Variants in PSG9 observed in about 807,000 individuals in gnomAD.
PSG9 encodes pregnancy specific beta-1-glycoprotein 9, also known as pregnancy-specific beta-1-glycoprotein 9.
A neutral mutation model predicts 41.9 loss-of-function variants in PSG9; 49 were observed. The ratio of observed to expected loss-of-function variants is 1.17; its 90% CI spans 0.93 to 1.48. The LOEUF is 1.48. Ranked by LOEUF, PSG9 falls within the 40% of genes most tolerant of loss-of-function variation. The probability of loss-of-function intolerance (pLI) is 0.00; values close to 1 mark genes in which losing one functional copy is unlikely to be tolerated. For missense variants in PSG9, 641 were observed against 520.3 expected (o/e 1.23, Z -2.26); for synonymous variants, 263 against 196.8 (o/e 1.34, Z -2.82).
intron 1 of PSG9, 130 bp from the exon 2 acceptor site, chr19:43,268,279 AAC>A (rs1969079140): frequency 2.2e-6 from 3 of 1,348,586 alleles, no homozygotes; most frequent in South Asian, 2.9e-5. Context: ...CATACAAACA[AAC>A]ACACACAAAA....
chr19:43,257,256 A>T, intron 5 of PSG9: 2 of 637,716 alleles, frequency 3.1e-6, no homozygotes, highest in Non-Finnish European at 1.9e-6. Context: ...AAGAGGAAAA[A>T]GTTCTGGAAA....
chr19:43,263,094 C>G (rs755320338), intron 2 of PSG9, among the ~76,000 whole-genome samples: 4 of 152,164 alleles, frequency 2.6e-5, no homozygotes, highest in Non-Finnish European at 4.4e-5. Context: ...ATTGGACATT[C>G]TACTGTCTGA....
intron 2 of PSG9, among the ~76,000 whole-genome samples, chr19:43,266,252 G>A (rs1284922649): frequency 1.3e-5 from 2 of 152,034 alleles, no homozygotes; most frequent in Non-Finnish European, 2.9e-5. Context: ...TACATGAGGT[G>A]GGGTGGCTTT....
Position 43,258,888 on chromosome 19 carries a change from G to C in PSG9, c.957C>G (p.Leu319=), listed in dbSNP as rs369227525. 5.7e-6 allele frequency: 9 copies of C among 1,587,038 alleles called. 1 individual carries two copies. The highest frequency in any genetic ancestry group is 5.3e-5 in the East Asian group (2 of 37,460). The change falls in exon 4 of 6, where the codon CTC becomes CTG. Residue 319 remains leucine (L), a synonymous_variant. Coordinates refer to ENST00000270077, the MANE Select transcript of PSG9 (RefSeq NM_002784.5). ...QCEIRDRYGG[L]RSNPVILNVL... is the part of the protein sequence containing the mutation. ...CATTTAGGATGACTGGGTTACTGCGGAGGCCACCATATCGGTCCCGTATTT... is the reference window on the plus strand; with the variant it reads ...CATTTAGGATGACTGGGTTACTGCGCAGGCCACCATATCGGTCCCGTATTT...
In PSG9 at chr19:43,262,103, A is replaced by T; in HGVS notation, c.466T>A (p.Leu156Ile). 6.2e-7 allele frequency: 1 copy of T among 1,613,922 alleles called. No homozygotes were observed. Among genetic ancestry groups the T allele is most frequent in the Non-Finnish European group, 8.5e-7 (1 of 1,179,854 alleles). ...GCCTCCATGGCCTCCCTGGGGTTTA[A>T]GTTGCTGCTGGAGATGTAGGGCTTG... ...TPKPYISSSN[L>I]NPREAMEAVR... is the part of the protein sequence containing the mutation. Residue 156 changes from leucine (L) to isoleucine (I), a missense_variant, in exon 3 of 6, where the codon TTA becomes ATA. Physicochemically the swap from Leu to Ile is conservative, Grantham distance 5 (BLOSUM62 2). Coordinates refer to ENST00000270077, the MANE Select transcript of PSG9 (RefSeq NM_002784.5).
At chr19:43,269,114 C>T (rs1346967822) in intron 1 of PSG9, among the ~76,000 whole-genome samples, 1 of 152,018 alleles carries the variant, frequency 6.6e-6, no homozygotes, top group Admixed American at 6.5e-5. Flanking sequence ...ACATGATTCT[C>T]CCACCTCAGC....
chr19:43,268,944 T>G (rs1284324199), intron 1 of PSG9, among the ~76,000 whole-genome samples: 2 of 152,162 alleles, frequency 1.3e-5, no homozygotes, highest in African/African-American at 4.8e-5. Context: ...TTTCCTCTTT[T>G]GACCCCTGTC....
Position 43,267,874 on chromosome 19 carries a change from G to C in PSG9, c.340C>G (p.Arg114Gly). Residue 114 changes from arginine (R) to glycine (G), a missense_variant, in exon 2 of 6, where the codon CGG becomes GGG. Arg to Gly is a moderately radical substitution (Grantham distance 125, BLOSUM62 -2). Coordinates refer to ENST00000270077, the MANE Select transcript of PSG9 (RefSeq NM_002784.5). ...NASLLIQNVTRKDAGTYTLHI... is the reference protein window; with the variant it reads ...NASLLIQNVTGKDAGTYTLHI... ...AAGGTGTAGGTTCCTGCATCCTTCCGGGTGACATTCTGGATCAGCAGGGAT... is the reference window on the plus strand; with the variant it reads ...AAGGTGTAGGTTCCTGCATCCTTCCCGGTGACATTCTGGATCAGCAGGGAT... 1 of 1,613,716 alleles carries C rather than the reference G, an allele frequency of 6.2e-7. No individual in the cohort carries two copies. Among genetic ancestry groups the C allele is most frequent in the Non-Finnish European group, 8.5e-7 (1 of 1,179,756 alleles).
intron 2 of PSG9, 112 bp downstream of exon 2, chr19:43,267,672 G>C (rs562965314): frequency 6.5e-7 from 1 of 1,543,230 alleles, no homozygotes; most frequent in South Asian, 1.1e-5. Flanking sequence ...CCCCAGCATG[G>C]GACATAATGC....
chr19:43,269,449 T>G lies in PSG9; in HGVS notation c.-18A>C. 1 of 1,613,096 alleles carries G rather than the reference T, an allele frequency of 6.2e-7. No homozygotes were observed. ...GGCCCCATGGTCTCTGCTGCCTGTGTGTTCTCCTCTGTGGAGATGAGCCTG... is the reference window on the plus strand; with the variant it reads ...GGCCCCATGGTCTCTGCTGCCTGTGGGTTCTCCTCTGTGGAGATGAGCCTG... On this transcript the variant is annotated 5_prime_UTR_variant, in exon 1 of 6. Transcript: ENST00000270077.
At chr19:43,255,434 C>G (rs1336678831) in intron 5 of PSG9, among the ~76,000 whole-genome samples, 1 of 146,262 alleles carries the variant, frequency 6.8e-6, no homozygotes, top group Non-Finnish European at 1.5e-5. Context: ...AAAGCTTTCC[C>G]TGTATGAGCA....
rs769099286 is a variant in PSG9, at chr19:43,258,473, A to G, written c.989-17T>C. The G allele has an allele frequency of 1.9e-6, 3 of 1,549,346 alleles. No individual in the cohort carries two copies. Among genetic ancestry groups the G allele is most frequent in the South Asian group, 2.5e-5 (2 of 81,186 alleles). The stretch of plus-strand genomic sequence containing the variant: ...CTGGACCATCTGGAGGAAAGAGAAT[A>G]AAGCCACACGTGATGTCATTCGAGG... On this transcript the variant is annotated splice_polypyrimidine_tract_variant and intron_variant, in intron 4 of 5. Transcript: ENST00000270077.
chr19:43,264,550 T>A (rs996138812), intron 2 of PSG9, among the ~76,000 whole-genome samples: 10 of 152,164 alleles, frequency 6.6e-5, no homozygotes, highest in African/African-American at 2.4e-4. Context: ...CTCCGCCTTC[T>A]GGGTTCACAC....
intron 3 of PSG9, among the ~76,000 whole-genome samples, chr19:43,260,938 A>G (rs1968683864): frequency 6.6e-6 from 1 of 152,254 alleles, no homozygotes; most frequent in Non-Finnish European, 1.5e-5. Context: ...AACTTATTCC[A>G]AAATATTTTA....
At chr19:43,261,556 G>A (rs192180965) in intron 3 of PSG9, among the ~76,000 whole-genome samples, 49 of 152,258 alleles carry the variant, frequency 3.2e-4, no homozygotes, top group South Asian at 1.0e-3. Flanking sequence ...GAGCCAAGTC[G>A]CAACACTGAA....
intron 2 of PSG9, among the ~76,000 whole-genome samples, chr19:43,266,352 AT>A (rs1190284544): frequency 6.7e-6 from 1 of 150,166 alleles, no homozygotes; most frequent in Non-Finnish European, 1.5e-5. Flanking sequence ...AGGATTCTGC[AT>A]GCAAATTCAG....
At chr19:43,266,291 C>T (rs528436667) in intron 2 of PSG9, among the ~76,000 whole-genome samples, 5 of 152,074 alleles carry the variant, frequency 3.3e-5, no homozygotes, top group Non-Finnish European at 5.9e-5. Flanking sequence ...GGGGATGAAA[C>T]GTGGGTGTCA....
intron 5 of PSG9, chr19:43,257,895 C>G: frequency 7.2e-7 from 1 of 1,394,176 alleles, no homozygotes; most frequent in South Asian, 1.8e-5. Flanking sequence ...CAGCGAGAAG[C>G]AACTTGATCT....
Position 43,253,517 on chromosome 19 carries a change from T to A in PSG9, c.*92A>T, listed in dbSNP as rs1968341813. 1 of 510,038 alleles carries A rather than the reference T, an allele frequency of 2.0e-6. No individual in the cohort carries two copies. The highest frequency in any genetic ancestry group is 3.5e-6 in the Non-Finnish European group (1 of 284,732). 31.6% of individuals were successfully genotyped at this position (510,038 alleles called of 1,614,324 possible). On this transcript the variant is annotated 3_prime_UTR_variant, in exon 6 of 6. Transcript: ENST00000270077. ...ATGAAAACATTATCCTTTTGATTAT[T>A]TAGTCCAATAACATTGAGTTTTTTT... is the stretch of plus-strand genomic sequence containing the variant.
Sources: gnomAD v4.1 joint callset for allele counts (sites outside exome capture counted in the v4.1 genomes callset) on GRCh38, gnomAD v4.1.1 for gene constraint, MANE v1.5 for transcripts, NCBI Gene and HGNC (gene_info 2026-07-23, HGNC 2026-07-21) for gene names.